DCC: variants seen among roughly 807,000 people sequenced by gnomAD.
The protein encoded by DCC is netrin receptor DCC.
A neutral mutation model predicts 172.5 loss-of-function variants in DCC; 58 were observed. The ratio of observed to expected loss-of-function variants is 0.34; its 90% CI spans 0.27 to 0.42. The LOEUF is 0.42. Ranked by LOEUF, DCC falls within the 10% of genes least tolerant of loss-of-function variation. The pLI is 1.00. For synonymous variants in DCC, 709 were observed against 644.5 expected (o/e 1.10, Z -1.52); for missense variants, 1,740 against 1,791.0 (o/e 0.97, Z 0.51).
At chr18:52,619,429 G>A (rs1220712393) in intron 1 of DCC, among the ~76,000 whole-genome samples, 1 of 152,188 alleles carries the variant, frequency 6.6e-6, no homozygotes, top group Non-Finnish European at 1.5e-5. Context: ...ACTCCAGTAG[G>A]CAACTGCTTC....
chr18:52,971,328 G>T (rs114143438), intron 5 of DCC, among the ~76,000 whole-genome samples: 119 of 152,238 alleles, frequency 7.8e-4, no homozygotes, highest in African/African-American at 2.6e-3. Flanking sequence ...AAATTAGCTT[G>T]CTCAGCACCA....
At chr18:52,504,506 T>C (rs1037997598) in intron 1 of DCC, among the ~76,000 whole-genome samples, 3 of 152,180 alleles carry the variant, frequency 2.0e-5, no homozygotes, top group South Asian at 2.1e-4. Flanking sequence ...CTTAGACTGA[T>C]GTTAAACACA....
At chr18:53,459,526 T>C (rs1258545931) in intron 24 of DCC, 68 bp downstream of exon 24, 1 of 965,958 alleles carries the variant, frequency 1.0e-6, no homozygotes, top group African/African-American at 1.6e-5. Flanking sequence ...TTTCACTCCT[T>C]TTATGGAAAT....
intron 1 of DCC, among the ~76,000 whole-genome samples, chr18:52,604,211 C>T (rs2034082079): frequency 6.6e-6 from 1 of 152,098 alleles, no homozygotes; most frequent in Admixed American, 6.6e-5. Flanking sequence ...GGTATTCTGG[C>T]TTCATTTCAT....
chr18:53,505,025 C>CT (rs2046154349), intron 27 of DCC, among the ~76,000 whole-genome samples: 1 of 152,068 alleles, frequency 6.6e-6, no homozygotes, highest in Non-Finnish European at 1.5e-5. Context: ...TTTTCCCCCC[C>CT]TAAAAGGGGT....
Position 53,437,814 on chromosome 18 carries a change from G to A in DCC, c.3229+2605G>A, listed in dbSNP as rs531816647. ...ATTCAAGCAGTCAGTCAAGAAATGC[G>A]ACTAAGCCCTCAGCGAGTGCAGGGC... On this transcript the variant is annotated intron_variant, in intron 22 of 28. Coordinates refer to ENST00000442544, the MANE Select transcript of DCC (RefSeq NM_005215.4). Among the ~76,000 whole-genome samples the A allele has an allele frequency of 1.4e-4, 22 of 152,210 alleles. No homozygotes were observed. The East Asian group carries it at 3.9e-3, about 27-fold the overall frequency.
At chr18:53,325,375 C>G (rs1191461075) in intron 14 of DCC, among the ~76,000 whole-genome samples, 3 of 152,030 alleles carry the variant, frequency 2.0e-5, no homozygotes, top group African/African-American at 7.2e-5. Context: ...GGTTATATCT[C>G]TTACTGGAAG....
intron 2 of DCC, among the ~76,000 whole-genome samples, chr18:52,828,341 A>T (rs2038550381): frequency 3.9e-5 from 6 of 152,060 alleles, no homozygotes; most frequent in Admixed American, 3.9e-4. Flanking sequence ...TTAGGTTCTG[A>T]TTGTATCATC....
At chr18:52,690,165 T>C (rs567660177) in intron 1 of DCC, among the ~76,000 whole-genome samples, 3 of 152,270 alleles carry the variant, frequency 2.0e-5, no homozygotes, top group East Asian at 3.9e-4. Context: ...CTGGCCTTCA[T>C]AGACTGTGAG....
At chr18:53,278,643 C>T (rs1339333133) in intron 12 of DCC, among the ~76,000 whole-genome samples, 1 of 152,122 alleles carries the variant, frequency 6.6e-6, no homozygotes, top group Non-Finnish European at 1.5e-5. Context: ...TTGATAATTT[C>T]TCCTTAAAAC....
At chr18:52,858,722 A>G (rs1475625875) in intron 2 of DCC, among the ~76,000 whole-genome samples, 1 of 152,210 alleles carries the variant, frequency 6.6e-6, no homozygotes, top group Non-Finnish European at 1.5e-5. Context: ...AAGGAAAAAC[A>G]GTGAAGGTAT....
intron 15 of DCC, among the ~76,000 whole-genome samples, chr18:53,385,035 T>G (rs1309670804): frequency 7.7e-6 from 1 of 130,090 alleles, no homozygotes; most frequent in Admixed American, 8.0e-5. Context: ...TTTTTTTTTT[T>G]TTTGTATTTT....
chr18:52,767,533 T>C (rs1488389554), intron 2 of DCC, among the ~76,000 whole-genome samples: 1 of 152,194 alleles, frequency 6.6e-6, no homozygotes, highest in Non-Finnish European at 1.5e-5. Flanking sequence ...TTCACACAAA[T>C]CTTCATTATT....
intron 5 of DCC, among the ~76,000 whole-genome samples, chr18:52,933,438 G>C (rs752658082): frequency 2.0e-5 from 3 of 151,776 alleles, no homozygotes; most frequent in African/African-American, 7.3e-5. Flanking sequence ...GTATGAGAAT[G>C]GGGGAGGGAG....
chr18:52,420,202 C>T (rs1380004536), intron 1 of DCC, among the ~76,000 whole-genome samples: 1 of 152,060 alleles, frequency 6.6e-6, no homozygotes, highest in Non-Finnish European at 1.5e-5. Context: ...AATCGGTTCT[C>T]AAGGAAAGAG....
intron 26 of DCC, among the ~76,000 whole-genome samples, chr18:53,488,461 A>T (rs2045926892): frequency 6.6e-6 from 1 of 152,194 alleles, no homozygotes; most frequent in Non-Finnish European, 1.5e-5. Flanking sequence ...CAGGACTTTT[A>T]AAATTAGTAA....
chr18:53,051,158 A>T (rs963977951), intron 5 of DCC, among the ~76,000 whole-genome samples: 3 of 152,122 alleles, frequency 2.0e-5, no homozygotes, highest in Non-Finnish European at 4.4e-5. Context: ...TGAGCCTGGG[A>T]GGTCGAGGCT....
At chr18:53,370,550 G>C (rs946469612) in intron 15 of DCC, among the ~76,000 whole-genome samples, 4 of 151,710 alleles carry the variant, frequency 2.6e-5, no homozygotes, top group Non-Finnish European at 4.4e-5. Context: ...TACTTCTGCT[G>C]CAACTCATGT....
chr18:52,887,450 A>G (rs951310779), intron 2 of DCC, among the ~76,000 whole-genome samples: 10 of 152,258 alleles, frequency 6.6e-5, no homozygotes, highest in African/African-American at 2.4e-4. Context: ...AGTTCCAGCA[A>G]AAGGTGAAGG....
Sources: gnomAD v4.1 joint callset for allele counts (sites outside exome capture counted in the v4.1 genomes callset) on GRCh38, gnomAD v4.1.1 for gene constraint, MANE v1.5 for transcripts, NCBI Gene and HGNC (gene_info 2026-07-23, HGNC 2026-07-21) for gene names.